The following KYNU variants were observed in gnomAD, a reference collection of about 807,000 sequenced individuals.
The protein encoded by KYNU is L-kynurenine hydrolase.
A neutral mutation model predicts 59.2 loss-of-function variants in KYNU; 54 were observed. The observed-to-expected ratio is 0.91, with a 90% confidence interval of 0.73 to 1.14. The LOEUF (loss-of-function observed/expected upper bound fraction) is 1.14. Among genes scored for constraint, KYNU ranks in the 50% most tolerant of loss-of-function variants. KYNU has a pLI of 0.00. For missense variants in KYNU, 567 were observed against 554.4 expected (o/e 1.02, Z -0.23); for synonymous variants, 177 against 192.0 (o/e 0.92, Z 0.65).
intron 2 of KYNU, among the ~76,000 whole-genome samples, chr2:142,903,874 C>T (rs1460271928): frequency 2.6e-5 from 4 of 152,136 alleles, no homozygotes; most frequent in East Asian, 3.9e-4. Context: ...GAAGCAAGCC[C>T]TATTAGGCAT....
chr2:142,942,036 G>A (rs936962852), intron 4 of KYNU, among the ~76,000 whole-genome samples: 1 of 151,898 alleles, frequency 6.6e-6, no homozygotes, highest in Admixed American at 6.6e-5. Context: ...AATTACCCAG[G>A]CATGGTGGTA....
chr2:142,976,297 C>G (rs1204868122), intron 8 of KYNU, among the ~76,000 whole-genome samples: 1 of 152,272 alleles, frequency 6.6e-6, no homozygotes, highest in African/African-American at 2.4e-5. Context: ...TCTTCCCCAC[C>G]TGGGGCCCTT....
At chr2:143,030,124 T>G (rs1305715024) in intron 11 of KYNU, among the ~76,000 whole-genome samples, 1 of 152,224 alleles carries the variant, frequency 6.6e-6, no homozygotes, top group Non-Finnish European at 1.5e-5. Context: ...ATGTGAATAA[T>G]AAAATCTATT....
intron 2 of KYNU, among the ~76,000 whole-genome samples, chr2:142,912,687 T>G (rs1203501006): frequency 6.7e-6 from 1 of 150,206 alleles, no homozygotes; most frequent in Non-Finnish European, 1.5e-5. Flanking sequence ...CTGGGATCTT[T>G]TGTATTTCTT....
chr2:142,996,725 G>C (rs143226640), intron 10 of KYNU, among the ~76,000 whole-genome samples: 1 of 152,078 alleles, frequency 6.6e-6, no homozygotes, highest in Non-Finnish European at 1.5e-5. Flanking sequence ...TTCCAACTAA[G>C]GAATTTTGAT....
At chr2:142,903,269 C>G (rs2083373) in intron 2 of KYNU, among the ~76,000 whole-genome samples, 84,882 of 151,616 alleles carry the variant, frequency 0.56, 24,802 homozygotes, top group African/African-American at 0.71. Context: ...AACTAGAACA[C>G]GACGGGCATT....
intron 4 of KYNU, among the ~76,000 whole-genome samples, chr2:142,950,982 G>C (rs1211286928): frequency 6.6e-6 from 1 of 152,168 alleles, no homozygotes; most frequent in Non-Finnish European, 1.5e-5. Context: ...GGAGAGAAAT[G>C]GGGGAAGGGC....
At chr2:142,987,007 A>C (rs1410827642) in intron 10 of KYNU, among the ~76,000 whole-genome samples, 3 of 151,864 alleles carry the variant, frequency 2.0e-5, no homozygotes, top group Non-Finnish European at 4.4e-5. Context: ...TTTAAACTTA[A>C]GACAACATTT....
At chr2:142,989,659 T>C (rs965078427) in intron 10 of KYNU, 29 of 257,910 alleles carry the variant, frequency 1.1e-4, no homozygotes, top group Non-Finnish European at 1.7e-4. Context: ...AATTGTGCAG[T>C]TTAAGCCTTC....
intron 4 of KYNU, among the ~76,000 whole-genome samples, chr2:142,932,503 G>T (rs1683255709): frequency 6.6e-6 from 1 of 152,148 alleles, no homozygotes; most frequent in Non-Finnish European, 1.5e-5. Context: ...GCAACTTTCT[G>T]CAGGAGCCTG....
chr2:142,890,318 G>T (rs1681672776), intron 2 of KYNU, among the ~76,000 whole-genome samples: 1 of 152,040 alleles, frequency 6.6e-6, no homozygotes. Flanking sequence ...AAAGCATACT[G>T]GATAGCCCCA....
Position 142,927,685 on chromosome 2 carries a change from A to G in KYNU, c.317A>G (p.Lys106Arg). 6.2e-7 allele frequency: 1 copy of G among 1,613,458 alleles called. No homozygotes were observed. Reference protein sequence around the residue: ...KIAAYGHEVGKRPWITGDESI... With the variant: ...KIAAYGHEVGRRPWITGDESI... ...GCAGCCTATGGTCATGAAGTGGGGAAGCGTCCTTGGATTACAGGAGATGAG... is the reference window on the plus strand; with the variant it reads ...GCAGCCTATGGTCATGAAGTGGGGAGGCGTCCTTGGATTACAGGAGATGAG... The change falls in exon 4 of 14, where the codon AAG (lysine) becomes AGG (arginine). Residue 106 changes from lysine to arginine, a missense_variant. Lys to Arg is a conservative substitution (Grantham distance 26). Transcript: ENST00000264170.
intron 8 of KYNU, chr2:142,964,558 T>A (rs1319569371): frequency 6.6e-6 from 1 of 152,188 alleles, no homozygotes; most frequent in Non-Finnish European, 1.5e-5. Flanking sequence ...TTCCAAATAC[T>A]TGTTGATTTT....
intron 1 of KYNU, among the ~76,000 whole-genome samples, chr2:142,884,688 C>CTTTTTTTTTTTTTTTTTTTTTTTTTTTT (rs70997529): frequency 1.3e-5 from 1 of 77,022 alleles, no homozygotes; most frequent in Admixed American, 1.9e-4. Context: ...TTCTCTTTTC[C>CTTTTTTTTTTTTTTTTTTTTTTTTTTTT]TTTTTTTTTT....
intron 4 of KYNU, 47 bp downstream of exon 4, chr2:142,927,788 T>TA: frequency 2.4e-6 from 3 of 1,250,542 alleles, no homozygotes; most frequent in Non-Finnish European, 3.5e-6. Context: ...GTAAAGATGT[T>TA]ATCATTTAGT....
intron 2 of KYNU, among the ~76,000 whole-genome samples, chr2:142,891,386 GA>G (rs1295905011): frequency 3.4e-5 from 5 of 148,524 alleles, no homozygotes; most frequent in East Asian, 3.9e-4. Context: ...TATATTTGGA[GA>G]AAAAAAAACG....
chr2:142,987,031 A>G lies in KYNU; in HGVS notation c.902+1010A>G, dbSNP rs1305561019. On this transcript the variant is annotated intron_variant, in intron 10 of 13. Transcript: ENST00000264170. Reference sequence around the variant, plus strand: ...AAGACAACATTTGTCTTAAGTTTAAATATCTTTGGACAGATATTTAGTCAA... The same window carrying G: ...AAGACAACATTTGTCTTAAGTTTAAGTATCTTTGGACAGATATTTAGTCAA... Among the ~76,000 whole-genome samples the G allele has an allele frequency of 1.5e-4, 23 of 151,910 alleles. 1 individual carries two copies. Among genetic ancestry groups the G allele is most frequent in the Non-Finnish European group, 3.4e-4 (23 of 67,892 alleles).
intron 8 of KYNU, among the ~76,000 whole-genome samples, chr2:142,967,722 C>T (rs1175377968): frequency 6.6e-6 from 1 of 152,050 alleles, no homozygotes; most frequent in Non-Finnish European, 1.5e-5. Context: ...TTAGAACACA[C>T]CATTGAGTGA....
At chr2:142,980,714 G>A (rs989815275) in intron 8 of KYNU, among the ~76,000 whole-genome samples, 1 of 152,114 alleles carries the variant, frequency 6.6e-6, no homozygotes, top group African/African-American at 2.4e-5. Context: ...TGTGCTGGTT[G>A]TGTCAATATG....
Sources: allele counts gnomAD v4.1 joint callset (sites outside exome capture counted in the v4.1 genomes callset), GRCh38; gene constraint gnomAD v4.1.1; transcripts MANE v1.5; gene names NCBI Gene and HGNC (gene_info 2026-07-23, HGNC 2026-07-21).